SEPTIN12: variants seen among roughly 807,000 people sequenced by gnomAD.
SEPTIN12 encodes the protein septin 12, also known as septin-12.
SEPTIN12 carries 42 observed loss-of-function variants against 37.7 expected under a neutral mutation model. The ratio of observed to expected loss-of-function variants is 1.11; its 90% confidence interval spans 0.87 to 1.44. SEPTIN12 has a LOEUF of 1.44. SEPTIN12 is among the 40% of genes most tolerant of loss of function. The pLI, the probability that SEPTIN12 is intolerant of heterozygous loss-of-function variation, is 0.00. For synonymous variants in SEPTIN12, 254 were observed against 196.7 expected, an observed-to-expected ratio of 1.29 and a Z score of -2.44; for missense variants, 613 against 479.2, an observed-to-expected ratio of 1.28 and a Z score of -2.61.
chr16:4,785,960 G>A lies in SEPTIN12; in HGVS notation c.292+20C>T. On this transcript the variant is annotated intron_variant, in intron 3 of 9. Transcript: ENST00000268231. ...GGGGTGGGGCAGGGTGGGGTGAGGT[G>A]TGGGCAGGGGCTCACTCACCATGGG... The A allele has an allele frequency of 3.7e-6, 6 of 1,611,114 alleles. No individual in the cohort carries two copies. The highest frequency in any genetic ancestry group is 2.2e-5 in the East Asian group (1 of 44,754).
intron 7 of SEPTIN12, 64 bp downstream of exon 7, chr16:4,783,398 T>G: frequency 8.3e-7 from 1 of 1,202,166 alleles, no homozygotes; most frequent in Non-Finnish European, 1.2e-6. Flanking sequence ...AGATGAGTCT[T>G]TGGATGGAAA....
chr16:4,784,095 C>G, intron 4 of SEPTIN12, 27 bp from the exon 5 acceptor site: 1 of 1,613,256 alleles, frequency 6.2e-7, no homozygotes, highest in East Asian at 2.2e-5. Context: ...ACCCTCCCCT[C>G]AGAACTGTGC....
intron 1 of SEPTIN12, 22 bp from the exon 2 acceptor site, chr16:4,787,689 G>C: frequency 1.9e-6 from 2 of 1,071,508 alleles, no homozygotes; most frequent in East Asian, 2.5e-5. Flanking sequence ...TGGGTGGGGA[G>C]AAGGGGGTCA....
In SEPTIN12 at chr16:4,777,746, G is replaced by T; in HGVS notation, c.*51C>A. ...ATGCTCTGGTACATAGGTGTGTGTT[G>T]AGAGCCGCTGGGGACTCAGGAAGCC... On this transcript the variant is annotated 3_prime_UTR_variant, in exon 10 of 10. Transcript: ENST00000268231. The T allele has an allele frequency of 1.5e-6, 2 of 1,301,602 alleles. No individual in the cohort carries two copies. Among genetic ancestry groups the T allele is most frequent in the Non-Finnish European group, 2.1e-6 (2 of 958,610 alleles). 80.6% of individuals were successfully genotyped at this position (1,301,602 alleles called of 1,614,324 possible). A position where few individuals can be genotyped will look rare whatever the true frequency, so the allele number is the denominator to read the frequency against.
intron 7 of SEPTIN12, among the ~76,000 whole-genome samples, chr16:4,780,861 C>A (rs1180170945): frequency 6.6e-6 from 1 of 152,106 alleles, no homozygotes; most frequent in Non-Finnish European, 1.5e-5. Flanking sequence ...GCCTGTAATC[C>A]CAGCTACTCA....
In SEPTIN12 at chr16:4,787,482, A is replaced by T. The variant is rs779273241; in HGVS notation, c.164T>A (p.Val55Glu). 1 of 1,612,566 alleles carries T rather than the reference A, an allele frequency of 6.2e-7. No homozygotes were observed. Among genetic ancestry groups the T allele is most frequent in the Non-Finnish European group, 8.5e-7 (1 of 1,179,948 alleles). ...CGTGGGCCCTACCTCTCACTCACCC[A>T]CCACCATGATGTTGAACTCAAACCC... ...KMGFEFNIMV[V>E]GQSGLGKSTM... Residue 55 changes from valine to glutamate, a missense_variant and splice_region_variant, in exon 2 of 10, where the codon GTG (valine) becomes GAG (glutamate). Physicochemically the swap from Val to Glu is moderately radical, Grantham distance 121. Coordinates refer to ENST00000268231, the MANE Select transcript of SEPTIN12 (RefSeq NM_144605.5).
At chr16:4,783,878 C>T (rs775944721) in intron 5 of SEPTIN12, 53 bp downstream of exon 5, 3 of 1,610,120 alleles carry the variant, frequency 1.9e-6, no homozygotes, top group Non-Finnish European at 2.5e-6. Flanking sequence ...ACCCCTTCTC[C>T]TCCTCCCTGC....
intron 2 of SEPTIN12, among the ~76,000 whole-genome samples, chr16:4,787,167 T>C (rs1401876516): frequency 6.6e-6 from 1 of 152,098 alleles, no homozygotes; most frequent in Non-Finnish European, 1.5e-5. Flanking sequence ...TGAGCCACCA[T>C]GCCCGGCCTC....
chr16:4,791,511 G>A (rs991215900), upstream of SEPTIN12, among the ~76,000 whole-genome samples: 2 of 152,136 alleles, frequency 1.3e-5, no homozygotes, highest in African/African-American at 4.8e-5. Flanking sequence ...CCATTTTACA[G>A]ATGAGTATAC....
Position 4,779,570 on chromosome 16 carries a change from G to A in SEPTIN12, c.823+120C>T, listed in dbSNP as rs9938956. ...GCTGGAAAGAGGGACCATTCCCCAGGGCTCTTTGTCTAGTGGGCTTCACCT... is the reference window on the plus strand; with the variant it reads ...GCTGGAAAGAGGGACCATTCCCCAGAGCTCTTTGTCTAGTGGGCTTCACCT... On this transcript the variant is annotated intron_variant, in intron 8 of 9. Transcript: ENST00000268231. The A allele has an allele frequency of 3.0e-3, 2,155 of 729,814 alleles. 35 individuals carry two copies. In the African/African-American group the frequency reaches 0.035, roughly 12 times the overall value. 45.2% of individuals were successfully genotyped at this position (729,814 alleles called of 1,614,324 possible).
chr16:4,786,715 G>A (rs539819421), intron 2 of SEPTIN12, among the ~76,000 whole-genome samples: 24 of 151,418 alleles, frequency 1.6e-4, no homozygotes, highest in Admixed American at 7.3e-4. Context: ...TCAAGTGATC[G>A]CAGCTCACTG....
intron 4 of SEPTIN12, among the ~76,000 whole-genome samples, chr16:4,785,380 C>T (rs939216543): frequency 2.6e-5 from 4 of 151,358 alleles, no homozygotes; most frequent in African/African-American, 9.7e-5. Flanking sequence ...AAAAAGATCA[C>T]ACAGCCTGGC....
chr16:4,781,128 G>A (rs1379362336), intron 7 of SEPTIN12, among the ~76,000 whole-genome samples: 1 of 151,866 alleles, frequency 6.6e-6, no homozygotes, highest in Non-Finnish European at 1.5e-5. Flanking sequence ...GCGTGGTATT[G>A]TGCACCTATA....
chr16:4,791,481 G>C (rs905217015), upstream of SEPTIN12, among the ~76,000 whole-genome samples: 4 of 152,136 alleles, frequency 2.6e-5, no homozygotes, highest in African/African-American at 9.7e-5. Flanking sequence ...ACTGGGAGGA[G>C]GTGGATACTA....
At chr16:4,790,162 C>T (rs1160171869), upstream of SEPTIN12, 2 of 152,112 alleles carry the variant, frequency 1.3e-5, no homozygotes, top group African/African-American at 4.8e-5. Context: ...GGTCCAGCTG[C>T]CTCAGCCTCC....
At position 4,787,567 on chromosome 16, in the gene SEPTIN12, G is replaced by A; in HGVS notation, c.79C>T (p.Leu27Phe). The change falls in exon 2 of 10, where the codon CTT (leucine) becomes TTT (phenylalanine). Residue 27 changes from leucine to phenylalanine, a missense_variant. Coordinates refer to ENST00000268231, the MANE Select transcript of SEPTIN12 (RefSeq NM_144605.5). ...ACAGCCTCAATGCCCACAGGACCAA[G>A]CATCTCGCAGGGTGGGGTGCTGGGG... Reference protein sequence around the residue: ...SSPSTPPCEMLGPVGIEAVLD... With the variant: ...SSPSTPPCEMFGPVGIEAVLD... The A allele has an allele frequency of 1.2e-6, 2 of 1,610,646 alleles. No homozygotes were observed. The highest frequency in any genetic ancestry group is 1.1e-5 in the South Asian group (1 of 91,082).
At chr16:4,778,179 A>G (rs1482615469) in intron 8 of SEPTIN12, 42 bp from the exon 9 acceptor site, 2 of 1,605,262 alleles carry the variant, frequency 1.2e-6, no homozygotes, top group Non-Finnish European at 1.7e-6. Flanking sequence ...CTTAGTGAGC[A>G]CTGAGTAAGT....
At chr16:4,782,700 T>C (rs2082385244) in intron 7 of SEPTIN12, among the ~76,000 whole-genome samples, 1 of 151,046 alleles carries the variant, frequency 6.6e-6, no homozygotes, top group Non-Finnish European at 1.5e-5. Context: ...ACCTCCAAGA[T>C]TCAACCGATT....
At chr16:4,783,382 A>G (rs2082393680) in intron 7 of SEPTIN12, 80 bp downstream of exon 7, 1 of 1,051,246 alleles carries the variant, frequency 9.5e-7, no homozygotes, top group African/African-American at 1.6e-5. Context: ...CCTGAGATGT[A>G]GAGAAAGATG....
Sources: allele counts gnomAD v4.1 joint callset (sites outside exome capture counted in the v4.1 genomes callset), GRCh38; gene constraint gnomAD v4.1.1; transcripts MANE v1.5; gene names NCBI Gene and HGNC (gene_info 2026-07-23, HGNC 2026-07-21).